Variants in NPAT observed in about 807,000 individuals in gnomAD.
The protein encoded by NPAT is nuclear protein, coactivator of histone transcription.
In NPAT, 52 loss-of-function variants were observed where a neutral mutation model predicts 130.7. That is an observed-to-expected ratio of 0.40 (90% CI 0.32 to 0.50). The LOEUF is 0.50. NPAT is among the 20% of genes least tolerant of loss of function. NPAT has a pLI of 0.68. For synonymous variants in NPAT, 580 were observed against 584.8 expected, an observed-to-expected ratio of 0.99 and a Z score of 0.12; for missense variants, 1,687 against 1,662.6, an observed-to-expected ratio of 1.01 and a Z score of -0.26.
rs375513067 is a variant in NPAT, at chr11:108,161,053, T to C, written c.4033A>G (p.Arg1345Gly). ...TTCAGAGGAGTTGCTGAAGTAGTCC[T>C]AGAAATGGCTGCCCTGGAGAGAATC... ...LMILSRAAIS[R>G]TTSATPLKDN... Residue 1345 changes from arginine to glycine, a missense_variant, in exon 17 of 18, where the codon AGG becomes GGG. By Grantham distance (125) the Arg-to-Gly change is moderately radical. Transcript: ENST00000278612. 57 of 1,614,046 alleles carry C rather than the reference T, an allele frequency of 3.5e-5. No individual in the cohort carries two copies. Among genetic ancestry groups the C allele is most frequent in the Non-Finnish European group, 2.0e-5 (24 of 1,180,026 alleles).
chr11:108,192,975 A>C (rs1262054166), intron 3 of NPAT, among the ~76,000 whole-genome samples: 1 of 152,160 alleles, frequency 6.6e-6, no homozygotes, highest in Non-Finnish European at 1.5e-5. Context: ...CAAACAAAGA[A>C]AAGACTAAAT....
chr11:108,207,697 C>T (rs769005075), intron 1 of NPAT, among the ~76,000 whole-genome samples: 20 of 152,214 alleles, frequency 1.3e-4, no homozygotes, highest in Admixed American at 5.9e-4. Context: ...CGGGAGTAGG[C>T]GCTTCCAAGC....
intron 1 of NPAT, among the ~76,000 whole-genome samples, chr11:108,215,035 T>G (rs184727996): frequency 7.4e-4 from 113 of 152,354 alleles, no homozygotes; most frequent in African/African-American, 2.6e-3. Context: ...CCAGCCAAAC[T>G]GGTCTTTCAG....
chr11:108,204,018 A>T (rs534492238), intron 1 of NPAT, among the ~76,000 whole-genome samples: 2 of 152,302 alleles, frequency 1.3e-5, no homozygotes, highest in South Asian at 4.1e-4. Flanking sequence ...TTTTACTGGG[A>T]ACTCTTAGGC....
chr11:108,168,470 C>T (rs2077920617), intron 15 of NPAT, among the ~76,000 whole-genome samples: 1 of 152,180 alleles, frequency 6.6e-6, no homozygotes, highest in Admixed American at 6.5e-5. Context: ...CTTAAGCCTA[C>T]ATCAATAGAT....
intron 13 of NPAT, 28 bp from the exon 14 acceptor site, chr11:108,170,071 G>T (rs2077936658): frequency 7.0e-7 from 1 of 1,438,750 alleles, no homozygotes; most frequent in African/African-American, 1.4e-5. Context: ...GTTAAAAAAA[G>T]ATTTTCTCTG....
At chr11:108,178,903 A>C (rs1284819677) in intron 10 of NPAT, among the ~76,000 whole-genome samples, 1 of 152,198 alleles carries the variant, frequency 6.6e-6, no homozygotes, top group Non-Finnish European at 1.5e-5. Flanking sequence ...CTCAGAGAAA[A>C]GCAAAATAGC....
Position 108,197,299 on chromosome 11 carries a change from C to A in NPAT, c.156+3G>T. On this transcript the variant is annotated splice_donor_region_variant and intron_variant, in intron 2 of 17. Coordinates refer to ENST00000278612, the MANE Select transcript of NPAT (RefSeq NM_002519.3). ...TATTTCCCTTAAGGAACAAATAACT[C>A]ACCAGTAAGCAGGCTGGAATAAACC... is the stretch of plus-strand genomic sequence containing the variant. 2.0e-6 allele frequency: 3 copies of A among 1,529,514 alleles called. No homozygotes were observed. Among genetic ancestry groups the A allele is most frequent in the Non-Finnish European group, 2.7e-6 (3 of 1,103,102 alleles). 94.7% of individuals were successfully genotyped at this position (1,529,514 alleles called of 1,614,324 possible).
intron 15 of NPAT, among the ~76,000 whole-genome samples, chr11:108,168,072 A>G (rs1349987626): frequency 2.6e-5 from 4 of 152,204 alleles, no homozygotes; most frequent in African/African-American, 9.6e-5. Context: ...AAATATTGGT[A>G]GTGTTGTGAG....
intron 10 of NPAT, among the ~76,000 whole-genome samples, chr11:108,178,906 A>C (rs1404988180): frequency 6.6e-6 from 1 of 152,196 alleles, no homozygotes; most frequent in Non-Finnish European, 1.5e-5. Flanking sequence ...AGAGAAAAGC[A>C]AAATAGCCAA....
chr11:108,214,081 A>T (rs1443873167), intron 1 of NPAT, among the ~76,000 whole-genome samples: 1 of 152,058 alleles, frequency 6.6e-6, no homozygotes, highest in Non-Finnish European at 1.5e-5. Flanking sequence ...ATTGGTACAG[A>T]TGGGGTGTCT....
chr11:108,184,315 C>CA (rs1404596342), intron 10 of NPAT, among the ~76,000 whole-genome samples: 3 of 151,246 alleles, frequency 2.0e-5, no homozygotes, highest in African/African-American at 4.9e-5. Flanking sequence ...ACTAAAAATA[C>CA]AAAAAAATTA....
intron 1 of NPAT, among the ~76,000 whole-genome samples, chr11:108,200,736 A>G (rs923197923): frequency 6.6e-6 from 1 of 152,142 alleles, no homozygotes; most frequent in Non-Finnish European, 1.5e-5. Context: ...CAAAAACCCA[A>G]CAAAGGAAGG....
At chr11:108,195,144 T>A (rs2078207982) in intron 2 of NPAT, among the ~76,000 whole-genome samples, 1 of 152,196 alleles carries the variant, frequency 6.6e-6, no homozygotes, top group African/African-American at 2.4e-5. Flanking sequence ...TTAGCCACTA[T>A]AAGCAAACAC....
At chr11:108,216,973 C>A (rs2078441036) in intron 1 of NPAT, among the ~76,000 whole-genome samples, 1 of 152,042 alleles carries the variant, frequency 6.6e-6, no homozygotes, top group Non-Finnish European at 1.5e-5. Context: ...CCTCGAATAC[C>A]ATCATTTTGT....
At chr11:108,210,152 A>G (rs535546777) in intron 1 of NPAT, among the ~76,000 whole-genome samples, 131 of 151,850 alleles carry the variant, frequency 8.6e-4, no homozygotes, top group Non-Finnish European at 1.6e-3. Flanking sequence ...AATATTATAG[A>G]AATAAATGGG....
intron 12 of NPAT, among the ~76,000 whole-genome samples, chr11:108,175,435 A>T (rs2077996303): frequency 6.6e-6 from 1 of 152,186 alleles, no homozygotes; most frequent in Non-Finnish European, 1.5e-5. Flanking sequence ...TTGTGGGGAA[A>T]ACAGTAGAAA....
chr11:108,182,621 C>G (rs1270845714), intron 10 of NPAT, among the ~76,000 whole-genome samples: 1 of 152,250 alleles, frequency 6.6e-6, no homozygotes, highest in Non-Finnish European at 1.5e-5. Flanking sequence ...CCTCAGCCTT[C>G]TGTGTAGCTG....
intron 8 of NPAT, among the ~76,000 whole-genome samples, chr11:108,185,878 G>A (rs527791918): frequency 1.3e-5 from 2 of 152,276 alleles, no homozygotes; most frequent in Admixed American, 6.5e-5. Context: ...GATTACGGGC[G>A]TGTGCCATCA....
Sources: gnomAD v4.1 joint callset for allele counts (sites outside exome capture counted in the v4.1 genomes callset) on GRCh38, gnomAD v4.1.1 for gene constraint, MANE v1.5 for transcripts, NCBI Gene and HGNC (gene_info 2026-07-23, HGNC 2026-07-21) for gene names.